ADGRB3: variants seen among roughly 807,000 people sequenced by gnomAD.
ADGRB3 encodes brain-specific angiogenesis inhibitor 3.
ADGRB3 carries 37 observed loss-of-function variants against 193.4 expected under a neutral mutation model. That is an observed-to-expected ratio of 0.19 (90% CI 0.15 to 0.25). ADGRB3 has a LOEUF of 0.25. Ranked by LOEUF, ADGRB3 falls within the 10% of genes least tolerant of loss-of-function variation. ADGRB3 has a pLI of 1.00. For missense variants in ADGRB3, 1,637 were observed against 1,852.9 expected, an observed-to-expected ratio of 0.88 and a Z score of 2.14; for synonymous variants, 690 against 644.2, an observed-to-expected ratio of 1.07 and a Z score of -1.08.
At position 68,929,448 on chromosome 6, in the gene ADGRB3, T is replaced by C. The variant is rs115941483; in HGVS notation, c.758-1111T>C. Among the ~76,000 whole-genome samples the C allele has an allele frequency of 3.9e-3, 587 of 152,250 alleles. 5 individuals carry two copies. Among genetic ancestry groups the C allele is most frequent in the African/African-American group, 0.013 (547 of 41,554 alleles). On this transcript the variant is annotated intron_variant, in intron 3 of 31. Coordinates refer to ENST00000370598, the MANE Select transcript of ADGRB3 (RefSeq NM_001704.3). ...AGTCTTTTCTCCTTCCATACAAGAATTGGTAGAATTAGTGCTTACAAGATA... is the reference window on the plus strand; with the variant it reads ...AGTCTTTTCTCCTTCCATACAAGAACTGGTAGAATTAGTGCTTACAAGATA...
At position 69,019,828 on chromosome 6, in the gene ADGRB3, A is replaced by T. The variant is rs62418322; in HGVS notation, c.2107+1329A>T. ...TTATGGACAATTAGAGTAAAAAGAGACAAAAGATGGTATCTTTGTTGAACG... is the reference window on the plus strand; with the variant it reads ...TTATGGACAATTAGAGTAAAAAGAGTCAAAAGATGGTATCTTTGTTGAACG... On this transcript the variant is annotated intron_variant, in intron 13 of 31. Transcript: ENST00000370598. Among the ~76,000 whole-genome samples, 477 of 152,134 alleles carry T rather than the reference A, an allele frequency of 3.1e-3. 2 individuals are homozygous for T. The highest frequency in any genetic ancestry group is 6.8e-3 in the Middle Eastern group (2 of 294).
At chr6:68,702,174 G>C (rs1303835184) in intron 3 of ADGRB3, among the ~76,000 whole-genome samples, 1 of 151,798 alleles carries the variant, frequency 6.6e-6, no homozygotes, top group Admixed American at 6.6e-5. Context: ...CAAAGAGGGA[G>C]CAGGCATGTC....
intron 3 of ADGRB3, among the ~76,000 whole-genome samples, chr6:68,869,602 T>G (rs1278020638): frequency 2.6e-5 from 4 of 152,162 alleles, no homozygotes; most frequent in Admixed American, 6.5e-5. Flanking sequence ...TAAGAGCAAA[T>G]GTCTATTCCT....
intron 3 of ADGRB3, among the ~76,000 whole-genome samples, chr6:68,775,008 C>T (rs9360360): frequency 0.79 from 120,312 of 151,904 alleles, 47,881 homozygotes; most frequent in Middle Eastern, 0.92. Context: ...GTTTAAAAGA[C>T]TAACCTAGGC....
intron 20 of ADGRB3, among the ~76,000 whole-genome samples, chr6:69,322,423 C>T (rs957310028): frequency 6.6e-6 from 1 of 151,876 alleles, no homozygotes; most frequent in Non-Finnish European, 1.5e-5. Flanking sequence ...TCTGAGGAAT[C>T]GCCACACTGT....
Position 69,307,123 on chromosome 6 carries a change from C to A in ADGRB3, c.2815-17749C>A, listed in dbSNP as rs1306886557. On this transcript the variant is annotated intron_variant, in intron 20 of 31. Transcript: ENST00000370598. ...TTGCTTTCTCAATTATGCTTATATTCTAGTTTCAAACTAGAGTAAGAAGTA... is the reference window on the plus strand; with the variant it reads ...TTGCTTTCTCAATTATGCTTATATTATAGTTTCAAACTAGAGTAAGAAGTA... Among the ~76,000 whole-genome samples, 6 of 150,882 alleles carry A rather than the reference C, an allele frequency of 4.0e-5. No individual in the cohort carries two copies. The South Asian group carries it at 1.0e-3, about 26-fold the overall frequency.
At chr6:69,052,135 G>A (rs549356749) in intron 15 of ADGRB3, among the ~76,000 whole-genome samples, 4 of 152,056 alleles carry the variant, frequency 2.6e-5, no homozygotes, top group Non-Finnish European at 5.9e-5. Context: ...TGATCTGCCC[G>A]CCTCGGCCTC....
At chr6:69,017,425 T>C (rs1251335849) in intron 12 of ADGRB3, among the ~76,000 whole-genome samples, 2 of 152,006 alleles carry the variant, frequency 1.3e-5, no homozygotes, top group Non-Finnish European at 2.9e-5. Flanking sequence ...GATTTTCTGC[T>C]CTAAAGTGGT....
intron 3 of ADGRB3, among the ~76,000 whole-genome samples, chr6:68,809,467 A>G (rs1767470011): frequency 6.6e-6 from 1 of 152,238 alleles, no homozygotes; most frequent in Non-Finnish European, 1.5e-5. Flanking sequence ...AATAATAGAC[A>G]ATGGTGGCTG....
chr6:69,217,707 T>G (rs1582553334), intron 17 of ADGRB3, among the ~76,000 whole-genome samples: 1 of 152,290 alleles, frequency 6.6e-6, no homozygotes, highest in East Asian at 1.9e-4. Context: ...GTAAGCATGT[T>G]CTCTCCTTTG....
At chr6:69,080,847 A>G (rs982927973) in intron 17 of ADGRB3, among the ~76,000 whole-genome samples, 1 of 152,044 alleles carries the variant, frequency 6.6e-6, no homozygotes, top group Non-Finnish European at 1.5e-5. Flanking sequence ...GTAACTGATT[A>G]CATTATTACA....
intron 10 of ADGRB3, among the ~76,000 whole-genome samples, chr6:68,982,460 A>G (rs1768945466): frequency 1.3e-5 from 2 of 152,128 alleles, no homozygotes; most frequent in African/African-American, 2.4e-5. Flanking sequence ...ATGTTTGTAG[A>G]GCCTATATGT....
chr6:68,717,201 C>T (rs72897202), intron 3 of ADGRB3, among the ~76,000 whole-genome samples: 286 of 151,638 alleles, frequency 1.9e-3, no homozygotes, highest in Non-Finnish European at 3.4e-3. Context: ...TTACTTCTGC[C>T]GTATCAACAG....
chr6:68,757,884 G>T (rs148700495), intron 3 of ADGRB3, among the ~76,000 whole-genome samples: 12 of 151,958 alleles, frequency 7.9e-5, no homozygotes, highest in Non-Finnish European at 1.6e-4. Flanking sequence ...TAAAATTACT[G>T]ATTTCAGTAT....
At chr6:68,787,491 C>A (rs1767000857) in intron 3 of ADGRB3, among the ~76,000 whole-genome samples, 1 of 152,104 alleles carries the variant, frequency 6.6e-6, no homozygotes, top group Admixed American at 6.6e-5. Context: ...GCCTTGCATC[C>A]CAGGGATGAA....
At position 68,891,900 on chromosome 6, in the gene ADGRB3, G is replaced by A. The variant is rs57539419; in HGVS notation, c.758-38659G>A. ...GTAGTTACTGCAGAAGGGTGGAGGA[G>A]CCGAAGAGTGGAGACCAAGAAGATA... On this transcript the variant is annotated intron_variant, in intron 3 of 31. Transcript: ENST00000370598. Among the ~76,000 whole-genome samples the A allele has an allele frequency of 1.6e-3, 250 of 152,320 alleles. 3 individuals carry two copies. The highest frequency in any genetic ancestry group is 5.8e-3 in the African/African-American group (240 of 41,578).
intron 27 of ADGRB3, 100 bp from the exon 28 acceptor site, chr6:69,355,721 C>A: frequency 2.1e-6 from 2 of 957,460 alleles, no homozygotes; most frequent in South Asian, 1.5e-5. Flanking sequence ...ACTTGTACTG[C>A]CAAGTTAGAT....
intron 17 of ADGRB3, among the ~76,000 whole-genome samples, chr6:69,124,107 G>A (rs1424276062): frequency 1.3e-5 from 2 of 150,722 alleles, no homozygotes; most frequent in Non-Finnish European, 3.0e-5. Context: ...TTTTTTGTAG[G>A]TGACATTTTT....
intron 29 of ADGRB3, among the ~76,000 whole-genome samples, chr6:69,367,669 A>G (rs193211999): frequency 6.6e-6 from 1 of 152,086 alleles, no homozygotes; most frequent in Non-Finnish European, 1.5e-5. Flanking sequence ...TTCTTTTGAG[A>G]AGTGTCTGTT....
Sources: allele counts gnomAD v4.1 joint callset (sites outside exome capture counted in the v4.1 genomes callset), GRCh38; gene constraint gnomAD v4.1.1; transcripts MANE v1.5; gene names NCBI Gene and HGNC (gene_info 2026-07-23, HGNC 2026-07-21).